FHIT: variants seen among roughly 807,000 people sequenced by gnomAD.
The protein encoded by FHIT is bis(5'-adenosyl)-triphosphatase.
A neutral mutation model predicts 17.9 loss-of-function variants in FHIT; 19 were observed. That is an observed-to-expected ratio of 1.06 (90% CI 0.74 to 1.56). The LOEUF is 1.56. Among genes scored for constraint, FHIT ranks in the 40% most tolerant of loss-of-function variants. The pLI, the probability that FHIT is intolerant of heterozygous loss-of-function variation, is 0.00. For synonymous variants in FHIT, 81 were observed against 69.7 expected, an observed-to-expected ratio of 1.16 and a Z score of -0.81; for missense variants, 248 against 189.2, an observed-to-expected ratio of 1.31 and a Z score of -1.82.
intron 3 of FHIT, among the ~76,000 whole-genome samples, chr3:60,936,512 G>A (rs1321393868): frequency 6.6e-6 from 1 of 152,128 alleles, no homozygotes; most frequent in East Asian, 1.9e-4. Context: ...AATGTTAAGG[G>A]TCTATTCATT....
At chr3:60,510,157 C>A (rs1217798965) in intron 5 of FHIT, among the ~76,000 whole-genome samples, 1 of 152,128 alleles carries the variant, frequency 6.6e-6, no homozygotes, top group Non-Finnish European at 1.5e-5. Context: ...ACACAGGAAA[C>A]CAATGGTAGC....
intron 5 of FHIT, among the ~76,000 whole-genome samples, chr3:60,442,027 T>A (rs1178425884): frequency 6.6e-6 from 1 of 150,902 alleles, no homozygotes; most frequent in Non-Finnish European, 1.5e-5. Context: ...CCTGACTAAT[T>A]TTTTTAACTT....
At chr3:59,994,865 A>G (rs1699441484) in intron 7 of FHIT, among the ~76,000 whole-genome samples, 1 of 152,046 alleles carries the variant, frequency 6.6e-6, no homozygotes, top group Admixed American at 6.6e-5. Context: ...CTATGCACTA[A>G]GTTACTTTGA....
chr3:60,390,792 A>C (rs982615141), intron 5 of FHIT, among the ~76,000 whole-genome samples: 1 of 152,204 alleles, frequency 6.6e-6, no homozygotes, highest in African/African-American at 2.4e-5. Flanking sequence ...AAAGATAGAA[A>C]ATATTTGTAC....
At chr3:59,921,480 T>A (rs1309813601) in intron 8 of FHIT, among the ~76,000 whole-genome samples, 1 of 152,242 alleles carries the variant, frequency 6.6e-6, no homozygotes, top group Non-Finnish European at 1.5e-5. Context: ...ACCTACCTCC[T>A]ATCCAATGCC....
At chr3:59,765,317 A>T (rs771500737) in intron 8 of FHIT, among the ~76,000 whole-genome samples, 1 of 152,226 alleles carries the variant, frequency 6.6e-6, no homozygotes, top group Non-Finnish European at 1.5e-5. Flanking sequence ...AATATTTGAA[A>T]ATGGACTGTT....
chr3:61,130,899 C>G (rs1357427900), intron 2 of FHIT, among the ~76,000 whole-genome samples: 1 of 152,088 alleles, frequency 6.6e-6, no homozygotes, highest in Non-Finnish European at 1.5e-5. Context: ...TTTCATGATT[C>G]TCATTATTAA....
At chr3:61,209,563 C>T (rs114221136) in intron 1 of FHIT, among the ~76,000 whole-genome samples, 2,849 of 151,796 alleles carry the variant, frequency 0.019, 82 homozygotes, top group African/African-American at 0.065. Flanking sequence ...TCATTTCATT[C>T]GTCTTCCATC....
At chr3:60,491,187 G>A (rs541716812) in intron 5 of FHIT, among the ~76,000 whole-genome samples, 1 of 152,144 alleles carries the variant, frequency 6.6e-6, no homozygotes, top group Non-Finnish European at 1.5e-5. Flanking sequence ...TTTTTATTAA[G>A]CAATAGCAAA....
intron 8 of FHIT, among the ~76,000 whole-genome samples, chr3:59,771,140 A>G (rs1702055827): frequency 6.6e-6 from 1 of 152,228 alleles, no homozygotes; most frequent in Non-Finnish European, 1.5e-5. Context: ...CACATAAGAC[A>G]ATAATGGACC....
intron 8 of FHIT, among the ~76,000 whole-genome samples, chr3:59,792,227 C>T (rs1378200909): frequency 6.6e-6 from 1 of 152,178 alleles, no homozygotes; most frequent in African/African-American, 2.4e-5. Context: ...GTATATTAAA[C>T]CGTCTCCATT....
intron 4 of FHIT, chr3:60,617,491 G>C (rs1481363779): frequency 1.9e-5 from 3 of 154,638 alleles, no homozygotes; most frequent in African/African-American, 4.8e-5. Context: ...TTGTAAGAAA[G>C]ATGATTTTTT....
At chr3:60,703,294 C>A (rs1204367357) in intron 4 of FHIT, among the ~76,000 whole-genome samples, 1 of 152,272 alleles carries the variant, frequency 6.6e-6, no homozygotes, top group Admixed American at 6.5e-5. Context: ...GATGTCCCTG[C>A]TGGTACCTTG....
At chr3:60,144,919 A>G (rs987165217) in intron 5 of FHIT, among the ~76,000 whole-genome samples, 9 of 152,190 alleles carry the variant, frequency 5.9e-5, no homozygotes, top group African/African-American at 1.9e-4. Flanking sequence ...TGAAAATATT[A>G]TGCCAAATAG....
intron 4 of FHIT, among the ~76,000 whole-genome samples, chr3:60,560,802 GACACAC>G (rs71092614): frequency 0.056 from 7,226 of 128,740 alleles, 222 homozygotes; most frequent in African/African-American, 0.097. Context: ...GATGTAAGGA[GACACAC>G]ACACACACAC....
intron 3 of FHIT, among the ~76,000 whole-genome samples, chr3:60,947,282 A>C (rs1708680938): frequency 1.3e-5 from 2 of 152,248 alleles, no homozygotes; most frequent in South Asian, 2.1e-4. Flanking sequence ...CTTAAAAAAA[A>C]CCCTCAAATA....
Position 60,341,066 on chromosome 3 carries a change from G to T in FHIT, c.103+195794C>A, listed in dbSNP as rs767698194. 3.3e-5 allele frequency among the ~76,000 whole-genome samples: 5 copies of T among 152,204 alleles called. No homozygotes were observed. In the South Asian group the frequency reaches 6.2e-4, roughly 19 times the overall value. Reference sequence around the variant, plus strand: ...AATATGATACCTCCATATTTGGATGGCTGACTTTTGGTATCTGCAGATCCA... The same window carrying T: ...AATATGATACCTCCATATTTGGATGTCTGACTTTTGGTATCTGCAGATCCA... On this transcript the variant is annotated intron_variant, in intron 5 of 9. Transcript: ENST00000492590.
chr3:61,152,477 T>A (rs6787511), intron 2 of FHIT, among the ~76,000 whole-genome samples: 72,772 of 152,076 alleles, frequency 0.48, 18,165 homozygotes, highest in East Asian at 0.86. Context: ...ACTTAAATAT[T>A]AGCAAAAATA....
chr3:60,166,136 A>C (rs908247038), intron 5 of FHIT, among the ~76,000 whole-genome samples: 1 of 152,080 alleles, frequency 6.6e-6, no homozygotes, highest in Non-Finnish European at 1.5e-5. Context: ...AAAGTGGCTA[A>C]CATTGGCTTG....
Sources: gnomAD v4.1 joint callset for allele counts (sites outside exome capture counted in the v4.1 genomes callset) on GRCh38, gnomAD v4.1.1 for gene constraint, MANE v1.5 for transcripts, NCBI Gene and HGNC (gene_info 2026-07-23, HGNC 2026-07-21) for gene names.